GRIK4: variants seen among roughly 807,000 people sequenced by gnomAD.
The protein encoded by GRIK4 is glutamate ionotropic receptor kainate type subunit 4.
GRIK4 carries 40 observed loss-of-function variants against 104.9 expected under a neutral mutation model. The observed-to-expected ratio is 0.38, with a 90% CI of 0.30 to 0.50. The LOEUF (loss-of-function observed/expected upper bound fraction) is 0.50. GRIK4 is among the 20% of genes least tolerant of loss of function. The pLI is 0.93. For synonymous variants in GRIK4, 485 were observed against 524.9 expected (o/e 0.92, Z 1.04); for missense variants, 1,047 against 1,308.1 (o/e 0.80, Z 3.08).
chr11:120,844,959 G>A (rs1389287742), intron 8 of GRIK4, among the ~76,000 whole-genome samples: 1 of 152,122 alleles, frequency 6.6e-6, no homozygotes, highest in Non-Finnish European at 1.5e-5. Flanking sequence ...CTGTCACCTG[G>A]GACTGTTTCC....
chr11:120,752,976 G>A (rs1001986455), intron 3 of GRIK4, among the ~76,000 whole-genome samples: 9 of 152,364 alleles, frequency 5.9e-5, no homozygotes, highest in South Asian at 4.1e-4. Flanking sequence ...GCCTCCTCGT[G>A]GGCCAGTCCC....
At chr11:120,823,170 G>A (rs1953169959) in intron 6 of GRIK4, among the ~76,000 whole-genome samples, 1 of 152,168 alleles carries the variant, frequency 6.6e-6, no homozygotes, top group African/African-American at 2.4e-5. Flanking sequence ...CCTCAATGCT[G>A]GTACAATATC....
chr11:120,540,449 T>G (rs1191902056), intron 1 of GRIK4, among the ~76,000 whole-genome samples: 1 of 151,618 alleles, frequency 6.6e-6, no homozygotes, highest in African/African-American at 2.4e-5. Context: ...GGCAAAACCC[T>G]GTCTGTACTA....
intron 1 of GRIK4, among the ~76,000 whole-genome samples, chr11:120,632,786 G>A (rs1324406947): frequency 6.6e-6 from 1 of 152,104 alleles, no homozygotes; most frequent in African/African-American, 2.4e-5. Flanking sequence ...GCTTCTGTGT[G>A]CTCAGAGTTG....
At chr11:120,920,535 G>A (rs1318006875) in intron 13 of GRIK4, among the ~76,000 whole-genome samples, 1 of 152,126 alleles carries the variant, frequency 6.6e-6, no homozygotes, top group Non-Finnish European at 1.5e-5. Context: ...GTGCACATGT[G>A]TCCAGTCTTG....
At chr11:120,518,581 G>T (rs374064433) in intron 1 of GRIK4, among the ~76,000 whole-genome samples, 1 of 152,128 alleles carries the variant, frequency 6.6e-6, no homozygotes, top group Non-Finnish European at 1.5e-5. Context: ...GCTGGATCCA[G>T]CATAAGCCCA....
At chr11:120,832,572 A>G (rs1379638894) in intron 7 of GRIK4, among the ~76,000 whole-genome samples, 3 of 152,124 alleles carry the variant, frequency 2.0e-5, no homozygotes, top group African/African-American at 7.2e-5. Context: ...AGAAGAGGGA[A>G]CTGAGACTCT....
At position 120,902,635 on chromosome 11, in the gene GRIK4, G is replaced by A. The variant is rs1171496883; in HGVS notation, c.1273-2655G>A. 2.0e-5 allele frequency among the ~76,000 whole-genome samples: 3 copies of A among 152,152 alleles called. No homozygotes were observed. The highest frequency in any genetic ancestry group is 2.1e-4 in the South Asian group (1 of 4,826). On this transcript the variant is annotated intron_variant, in intron 12 of 20. Coordinates refer to ENST00000527524, the MANE Select transcript of GRIK4 (RefSeq NM_014619.5). The surrounding 1 kb of genome is among the most constrained non-coding windows in gnomAD (Gnocchi z 4.5). ...CAGGTAGGGGAACCAAGCAGGTGAC[G>A]AGTCTGTCCCAGGACCCACTCCCAT...
At chr11:120,959,740 A>G (rs1260698364) in intron 16 of GRIK4, among the ~76,000 whole-genome samples, 2 of 152,274 alleles carry the variant, frequency 1.3e-5, no homozygotes, top group African/African-American at 4.8e-5. Flanking sequence ...ACAATCTTCT[A>G]ATTTGAAATA....
intron 6 of GRIK4, among the ~76,000 whole-genome samples, chr11:120,824,993 C>G (rs1193548378): frequency 6.6e-6 from 1 of 152,130 alleles, no homozygotes; most frequent in Non-Finnish European, 1.5e-5. Flanking sequence ...GGTGCGATCT[C>G]TGCTCACTGC....
intron 3 of GRIK4, among the ~76,000 whole-genome samples, chr11:120,782,936 C>T (rs554038253): frequency 3.2e-4 from 48 of 152,254 alleles, no homozygotes; most frequent in African/African-American, 1.1e-3. Flanking sequence ...TTCTGCCTTC[C>T]GAAGAGTGCA....
intron 8 of GRIK4, among the ~76,000 whole-genome samples, chr11:120,845,556 C>A (rs1219269219): frequency 6.6e-6 from 1 of 152,000 alleles, no homozygotes; most frequent in East Asian, 1.9e-4. Context: ...CCTAGTTGAA[C>A]TGTAATTCCC....
intron 13 of GRIK4, among the ~76,000 whole-genome samples, chr11:120,911,092 GGCCTGTTTGA>G (rs1443932057): frequency 6.6e-6 from 1 of 152,072 alleles, no homozygotes. Context: ...ATTGATGAAG[GGCCTGTTTGA>G]GCTGCAGCAT....
chr11:120,862,459 T>G (rs1954287941), intron 9 of GRIK4, among the ~76,000 whole-genome samples: 1 of 152,198 alleles, frequency 6.6e-6, no homozygotes, highest in African/African-American at 2.4e-5. Flanking sequence ...TAAGCTGATC[T>G]GCTCCCTCAT....
intron 3 of GRIK4, among the ~76,000 whole-genome samples, chr11:120,712,901 A>C (rs1950764067): frequency 6.6e-6 from 1 of 152,050 alleles, no homozygotes; most frequent in Non-Finnish European, 1.5e-5. Flanking sequence ...TTTGATTTTT[A>C]CCCGTGTCAC....
chr11:120,810,621 T>C (rs1952809844), intron 4 of GRIK4, among the ~76,000 whole-genome samples: 1 of 152,170 alleles, frequency 6.6e-6, no homozygotes, highest in Non-Finnish European at 1.5e-5. Flanking sequence ...TAAAAACCTT[T>C]TTATTAATAA....
chr11:120,705,520 C>T (rs1950615979), intron 3 of GRIK4, among the ~76,000 whole-genome samples: 1 of 152,140 alleles, frequency 6.6e-6, no homozygotes, highest in South Asian at 2.1e-4. Flanking sequence ...GCCACTGCAC[C>T]TCGCCCAGCT....
At chr11:120,591,689 C>G (rs1948735544) in intron 1 of GRIK4, among the ~76,000 whole-genome samples, 2 of 152,078 alleles carry the variant, frequency 1.3e-5, no homozygotes, top group Admixed American at 1.3e-4. Context: ...TCCTCTGTCT[C>G]TTTGTCCTAG....
At chr11:120,563,205 G>C (rs1948262748) in intron 1 of GRIK4, among the ~76,000 whole-genome samples, 1 of 152,170 alleles carries the variant, frequency 6.6e-6, no homozygotes, top group Non-Finnish European at 1.5e-5. Flanking sequence ...CTTTGTCCAT[G>C]TGGGATAGGG....
Sources: gnomAD v4.1 joint callset for allele counts (sites outside exome capture counted in the v4.1 genomes callset) on GRCh38, gnomAD v4.1.1 for gene constraint, Gnocchi (gnomAD v3.1) non-coding constraint, MANE v1.5 for transcripts, NCBI Gene and HGNC (gene_info 2026-07-23, HGNC 2026-07-21) for gene names.